Variants in CNTNAP2 observed in about 807,000 individuals in gnomAD.
CNTNAP2 encodes contactin associated protein 2.
Under a neutral mutation model 155.2 loss-of-function variants are expected in CNTNAP2, and 98 were observed. That is an observed-to-expected ratio of 0.63 (90% CI 0.54 to 0.75). CNTNAP2 has a LOEUF of 0.75. Ranked by LOEUF, CNTNAP2 falls within the 30% of genes least tolerant of loss-of-function variation. CNTNAP2 has a pLI of 0.00. For synonymous variants in CNTNAP2, 651 were observed against 631.2 expected, an observed-to-expected ratio of 1.03 and a Z score of -0.47; for missense variants, 1,727 against 1,688.1, an observed-to-expected ratio of 1.02 and a Z score of -0.40.
chr7:146,460,961 G>C (rs1026464781), intron 1 of CNTNAP2, among the ~76,000 whole-genome samples: 1 of 152,058 alleles, frequency 6.6e-6, no homozygotes, highest in Admixed American at 6.6e-5. Flanking sequence ...TTTGAAAATC[G>C]CATAGATCCC....
intron 8 of CNTNAP2, among the ~76,000 whole-genome samples, chr7:147,172,097 C>A (rs780439235): frequency 6.6e-6 from 1 of 151,966 alleles, no homozygotes; most frequent in Non-Finnish European, 1.5e-5. Context: ...CTTTTATTAC[C>A]TTTCTTAATG....
At chr7:147,889,505 A>G (rs887340565) in intron 13 of CNTNAP2, among the ~76,000 whole-genome samples, 11 of 152,212 alleles carry the variant, frequency 7.2e-5, no homozygotes, top group Non-Finnish European at 1.3e-4. Context: ...TGAAAGAGAA[A>G]AAAAAATTAC....
At chr7:147,011,444 A>AAAAAAAAAAG (rs1554424732) in intron 3 of CNTNAP2, among the ~76,000 whole-genome samples, 3 of 127,772 alleles carry the variant, frequency 2.3e-5, no homozygotes, top group African/African-American at 2.9e-5. Context: ...AAAAAAAAAA[A>AAAAAAAAAAG]GGAACAAGGT....
chr7:147,703,367 C>T (rs764195954), intron 13 of CNTNAP2, among the ~76,000 whole-genome samples: 2 of 152,146 alleles, frequency 1.3e-5, no homozygotes, highest in African/African-American at 4.8e-5. Flanking sequence ...GAGGAGCCAC[C>T]AGAATTTTAT....
chr7:146,286,807 A>G (rs1584849164), intron 1 of CNTNAP2, among the ~76,000 whole-genome samples: 1 of 152,152 alleles, frequency 6.6e-6, no homozygotes, highest in Admixed American at 6.5e-5. Flanking sequence ...ATCTATATGT[A>G]ATAATCAGAA....
intron 1 of CNTNAP2, among the ~76,000 whole-genome samples, chr7:146,288,940 G>C (rs899574180): frequency 1.3e-5 from 2 of 151,442 alleles, no homozygotes; most frequent in Non-Finnish European, 2.9e-5. Flanking sequence ...GAGTAGCTGG[G>C]ATTATTGGTG....
At chr7:147,916,586 T>G (rs1047064221) in intron 14 of CNTNAP2, among the ~76,000 whole-genome samples, 1 of 74,072 alleles carries the variant, frequency 1.4e-5, no homozygotes, top group Non-Finnish European at 2.4e-5. Context: ...AAGAGCTTTT[T>G]TTCTGAAAAA....
chr7:146,343,026 T>A (rs888988046), intron 1 of CNTNAP2, among the ~76,000 whole-genome samples: 4 of 152,124 alleles, frequency 2.6e-5, no homozygotes, highest in Admixed American at 6.6e-5. Context: ...AAACACAAGA[T>A]GCCTTTCCAT....
intron 11 of CNTNAP2, 108 bp downstream of exon 11, chr7:147,486,149 C>A (rs562433032): frequency 7.5e-6 from 6 of 798,810 alleles, no homozygotes; most frequent in South Asian, 1.8e-5. Flanking sequence ...ATACATCACT[C>A]GAATCTGAAA....
chr7:148,241,445 T>C (rs916411095), intron 20 of CNTNAP2, among the ~76,000 whole-genome samples: 4 of 152,168 alleles, frequency 2.6e-5, no homozygotes, highest in Non-Finnish European at 5.9e-5. Context: ...GGCTGTTGCC[T>C]CCATGAGCCC....
intron 14 of CNTNAP2, among the ~76,000 whole-genome samples, chr7:147,921,100 C>A (rs1221386471): frequency 6.6e-6 from 1 of 151,790 alleles, no homozygotes; most frequent in African/African-American, 2.4e-5. Context: ...TGAGCCACCA[C>A]GCCCTGCCTC....
intron 13 of CNTNAP2, among the ~76,000 whole-genome samples, chr7:147,844,998 A>C (rs1428269414): frequency 7.6e-6 from 1 of 131,070 alleles, no homozygotes; most frequent in Non-Finnish European, 1.7e-5. Flanking sequence ...TCGGTTTGCC[A>C]GTATTTTATT....
chr7:146,446,748 C>A lies in CNTNAP2; in HGVS notation c.98-327523C>A, dbSNP rs181418187. ...CTCTTGAAGATCCTTATTTAGATGG[C>A]TGGAGAGAAATCTACTTGAAATATA... On this transcript the variant is annotated intron_variant, in intron 1 of 23. Coordinates refer to ENST00000361727, the MANE Select transcript of CNTNAP2 (RefSeq NM_014141.6). Among the ~76,000 whole-genome samples, 211 of 152,168 alleles carry A rather than the reference C, an allele frequency of 1.4e-3. 1 individual carries two copies. Among genetic ancestry groups the A allele is most frequent in the Non-Finnish European group, 2.0e-3 (138 of 67,920 alleles).
chr7:147,734,970 C>G (rs988786010), intron 13 of CNTNAP2, among the ~76,000 whole-genome samples: 2 of 135,016 alleles, frequency 1.5e-5, no homozygotes, highest in Non-Finnish European at 3.1e-5. Context: ...AAAACCAGCT[C>G]CTGGATTCAT....
chr7:147,784,684 T>C lies in CNTNAP2; in HGVS notation c.2099-118881T>C, dbSNP rs555961378. ...TAATTGAAGGTTTTCCAGTAGACAT[T>C]TGACATCATCGGATTTGTGTTTTTT... On this transcript the variant is annotated intron_variant, in intron 13 of 23. Transcript: ENST00000361727. Among the ~76,000 whole-genome samples the C allele has an allele frequency of 1.7e-3, 254 of 149,968 alleles. 2 individuals carry two copies. The highest frequency in any genetic ancestry group is 5.8e-3 in the African/African-American group (239 of 40,986).
chr7:147,996,107 G>A (rs1801799818), intron 15 of CNTNAP2, among the ~76,000 whole-genome samples: 1 of 152,172 alleles, frequency 6.6e-6, no homozygotes, highest in Non-Finnish European at 1.5e-5. Flanking sequence ...GAATATCACT[G>A]GGGCATGGCA....
chr7:146,972,049 A>G (rs902440961), intron 3 of CNTNAP2, among the ~76,000 whole-genome samples: 2 of 152,158 alleles, frequency 1.3e-5, no homozygotes, highest in Non-Finnish European at 2.9e-5. Flanking sequence ...AAGCCTTGAC[A>G]TGTACACTTG....
intron 15 of CNTNAP2, among the ~76,000 whole-genome samples, chr7:147,998,109 T>A: frequency 7.8e-6 from 1 of 127,772 alleles, no homozygotes; most frequent in South Asian, 2.8e-4. Flanking sequence ...TTTTCTTTTT[T>A]TTTTTTTTTT....
At chr7:147,966,470 T>C (rs555700403) in intron 14 of CNTNAP2, among the ~76,000 whole-genome samples, 3 of 152,188 alleles carry the variant, frequency 2.0e-5, no homozygotes, top group Admixed American at 6.5e-5. Flanking sequence ...TTTATAAAAA[T>C]TGTCCAGGTT....
Sources: gnomAD v4.1 joint callset for allele counts (sites outside exome capture counted in the v4.1 genomes callset) on GRCh38, gnomAD v4.1.1 for gene constraint, MANE v1.5 for transcripts, NCBI Gene and HGNC (gene_info 2026-07-23, HGNC 2026-07-21) for gene names.